The following AASDH variants were observed in gnomAD, a reference collection of about 807,000 sequenced individuals.
AASDH encodes beta-alanine-activating enzyme.
In AASDH, 81 loss-of-function variants were observed where a neutral mutation model predicts 102.3. The ratio of observed to expected loss-of-function variants is 0.79; its 90% CI spans 0.66 to 0.95. The LOEUF is 0.95. Among genes scored for constraint, AASDH ranks in the 40% least tolerant of loss-of-function variants. The probability of loss-of-function intolerance (pLI) is 0.00; values close to 1 mark genes in which losing one functional copy is unlikely to be tolerated. For synonymous variants in AASDH, 398 were observed against 454.0 expected (o/e 0.88, Z 1.57); for missense variants, 1,203 against 1,266.2 (o/e 0.95, Z 0.76).
intron 9 of AASDH, among the ~76,000 whole-genome samples, chr4:56,351,801 C>T (rs188845111): frequency 1.3e-5 from 2 of 151,672 alleles, no homozygotes; most frequent in East Asian, 3.9e-4. Context: ...GTAGTTCTAG[C>T]TACTCGGGAG....
chr4:56,375,228 A>G (rs1003510621), intron 4 of AASDH, among the ~76,000 whole-genome samples: 11 of 152,168 alleles, frequency 7.2e-5, no homozygotes, highest in African/African-American at 2.7e-4. Flanking sequence ...AGCTAAGACT[A>G]CAGACTTGTG....
Position 56,343,564 on chromosome 4 carries a change from G to T in AASDH, c.2773C>A (p.Pro925Thr). ...AATATGTATTATTTTATGCCTACAG[G>T]ATTTACAGCCAGTAAAAGTCCTCCC... ...TLGGLLLAVN[P>T]ATGNVIWKHS... is the part of the protein sequence containing the mutation. The change falls in exon 13 of 15, where the codon CCT becomes ACT. Residue 925 changes from proline to threonine, a missense_variant and splice_region_variant. Transcript: ENST00000205214. 1 of 1,604,522 alleles carries T rather than the reference G, an allele frequency of 6.2e-7. No homozygotes were observed. The highest frequency in any genetic ancestry group is 8.5e-7 in the Non-Finnish European group (1 of 1,175,194).
In AASDH at chr4:56,371,588, A is replaced by G. The variant is rs1433150173; in HGVS notation, c.724T>C (p.Phe242Leu). The change falls in exon 5 of 15, where the codon TTC (phenylalanine) becomes CTC (leucine). Residue 242 changes from phenylalanine (F) to leucine (L), a missense_variant. Coordinates refer to ENST00000205214, the MANE Select transcript of AASDH (RefSeq NM_181806.4). The stretch of plus-strand genomic sequence containing the variant: ...AATATTTCCACAACAGAAGGATCGA[A>G]GGTCAGAGGTGAAGCCAGAAACAAA... ...DVLFLASPLT[F>L]DPSVVEIFLA... is the part of the protein sequence containing the mutation. The G allele has an allele frequency of 1.9e-6, 3 of 1,612,520 alleles. No individual in the cohort carries two copies. The African/African-American group carries it at 4.0e-5, about 22-fold the overall frequency.
rs769983557 is a variant in AASDH at position 56,378,257 on chromosome 4, T to C, written c.559A>G (p.Arg187Gly). 36 of 1,614,144 alleles carry C rather than the reference T, an allele frequency of 2.2e-5. 1 individual carries two copies. The highest frequency in any genetic ancestry group is 2.3e-5 in the Non-Finnish European group (27 of 1,180,050). ...EEKAEEHMDL[R>G]LKHCLAYVLH... ...ACATAGGCTAAGCAATGCTTTAGCC[T>C]CAGATCCATGTGTTCTTCTGCTTTT... is the stretch of plus-strand genomic sequence containing the variant. The change falls in exon 4 of 15, where the codon AGG becomes GGG. Residue 187 changes from arginine to glycine, a missense_variant. By Grantham distance (125) the Arg-to-Gly change is moderately radical. Transcript: ENST00000205214.
intron 5 of AASDH, among the ~76,000 whole-genome samples, chr4:56,359,792 C>T (rs1421084392): frequency 6.7e-6 from 1 of 150,324 alleles, no homozygotes; most frequent in African/African-American, 2.5e-5. Context: ...CTCCTGACCT[C>T]ATGATCCACC....
intron 4 of AASDH, among the ~76,000 whole-genome samples, chr4:56,377,290 C>T (rs1752473043): frequency 6.6e-6 from 1 of 152,140 alleles, no homozygotes; most frequent in Non-Finnish European, 1.5e-5. Flanking sequence ...TCACTTCTTC[C>T]TCTCTTTCTT....
At chr4:56,364,421 T>C (rs1750727055) in intron 5 of AASDH, among the ~76,000 whole-genome samples, 1 of 152,006 alleles carries the variant, frequency 6.6e-6, no homozygotes, top group Admixed American at 6.6e-5. Context: ...AATTGTCAGA[T>C]TCACCGAAGT....
intron 1 of AASDH, 27 bp downstream of exon 1, chr4:56,387,335 C>T (rs552459581): frequency 1.3e-5 from 2 of 152,456 alleles, no homozygotes; most frequent in African/African-American, 4.8e-5. Flanking sequence ...AGACCCCCGC[C>T]GGACACCGCG....
intron 9 of AASDH, among the ~76,000 whole-genome samples, chr4:56,352,927 G>A (rs1749167015): frequency 6.6e-6 from 1 of 151,984 alleles, no homozygotes; most frequent in African/African-American, 2.4e-5. Context: ...TCTATATATT[G>A]GTTCTGTTTC....
At chr4:56,367,206 T>G (rs936026889) in intron 5 of AASDH, among the ~76,000 whole-genome samples, 5 of 151,742 alleles carry the variant, frequency 3.3e-5, no homozygotes, top group Admixed American at 6.6e-5. Flanking sequence ...CACTGCTCAA[T>G]GAAATAAAAG....
rs770408434 is a variant in AASDH at position 56,338,428 on chromosome 4, C to T, written c.3271G>A (p.Asp1091Asn). 8.7e-6 allele frequency: 14 copies of T among 1,613,466 alleles called. No individual in the cohort carries two copies. The South Asian group carries it at 1.5e-4, about 18-fold the overall frequency. ...TATTTTTGATTGCCACCCAATAAATCCAGACAATAAACATAATTATCTCTA... is the reference window on the plus strand; with the variant it reads ...TATTTTTGATTGCCACCCAATAAATTCAGACAATAAACATAATTATCTCTA... ...GCRDNYVYCL[D>N]LLGGNQK Residue 1091 changes from aspartate (D) to asparagine (N), a missense_variant, in exon 15 of 15, where the codon GAT (aspartate) becomes AAT (asparagine). Asp to Asn is a conservative substitution (Grantham distance 23). Coordinates refer to ENST00000205214, the MANE Select transcript of AASDH (RefSeq NM_181806.4).
chr4:56,353,564 A>G lies in AASDH; in HGVS notation c.1416T>C (p.Cys472=), dbSNP rs759647255. Residue 472 remains cysteine (C), a synonymous_variant, in exon 9 of 15, where the codon TGT becomes TGC. Coordinates refer to ENST00000205214, the MANE Select transcript of AASDH (RefSeq NM_181806.4). Reference sequence around the variant, plus strand: ...TTTCCTGATTATACCATGTAACTGCACAAGACTCCACTTGCTGAAGCTCTT... The same window carrying G: ...TTTCCTGATTATACCATGTAACTGCGCAAGACTCCACTTGCTGAAGCTCTT... The part of the protein sequence containing the change: ...VAEELQQVES[C]AVTWYNQEKL... 1.4e-5 allele frequency: 22 copies of G among 1,612,596 alleles called. No individual in the cohort carries two copies. The East Asian group carries it at 3.6e-4, about 26-fold the overall frequency.
intron 1 of AASDH, 96 bp from the exon 2 acceptor site, chr4:56,384,437 T>A (rs1753318749): frequency 1.6e-6 from 1 of 610,842 alleles, no homozygotes; most frequent in Non-Finnish European, 2.9e-6. Context: ...CTCACAAAAA[T>A]AATTATATCA....
intron 4 of AASDH, among the ~76,000 whole-genome samples, chr4:56,376,079 A>G (rs1002066196): frequency 1.7e-4 from 24 of 139,186 alleles, no homozygotes; most frequent in Non-Finnish European, 3.3e-4. Context: ...GCTGGAATGC[A>G]GTGGTGCAAT....
intron 3 of AASDH, chr4:56,381,649 T>TCTCACACACATACACACACACACACA (rs3223650): frequency 2.1e-5 from 3 of 142,304 alleles, no homozygotes; most frequent in African/African-American, 8.0e-5. Context: ...TTGACACTTC[T>TCTCACACACATACACACACACACACA]CACACACACA....
rs183256874 is a variant in AASDH, at chr4:56,371,559, A to G, written c.753T>C (p.Leu251=). The change falls in exon 5 of 15, where the codon CTT becomes CTC. Residue 251 remains leucine (L), a synonymous_variant. Coordinates refer to ENST00000205214, the MANE Select transcript of AASDH (RefSeq NM_181806.4). ...TFDPSVVEIF[L]ALSSGASLLI... ...GCAGAGAGGCACCACTTGATAGAGC[A>G]AGAAATATTTCCACAACAGAAGGAT... The G allele has an allele frequency of 1.2e-6, 2 of 1,613,584 alleles. No homozygotes were observed. Among genetic ancestry groups the G allele is most frequent in the East Asian group, 4.5e-5 (2 of 44,854 alleles).
At chr4:56,355,593 G>GT (rs149149581) in intron 5 of AASDH, among the ~76,000 whole-genome samples, 170 bp from the exon 6 acceptor site, 3,443 of 91,810 alleles carry the variant, frequency 0.038, 84 homozygotes, top group East Asian at 0.17. Flanking sequence ...TTATCTTCTT[G>GT]TTTTTTTTTT....
In AASDH at chr4:56,338,351, A is replaced by T; in HGVS notation, c.*51T>A. The T allele has an allele frequency of 1.3e-6, 2 of 1,562,984 alleles. No individual in the cohort carries two copies. Among genetic ancestry groups the T allele is most frequent in the Non-Finnish European group, 1.7e-6 (2 of 1,151,114 alleles). On this transcript the variant is annotated 3_prime_UTR_variant, in exon 15 of 15. Coordinates refer to ENST00000205214, the MANE Select transcript of AASDH (RefSeq NM_181806.4). ...TAAGTCCACATGATGTATAATGGTAAAATATTTTCAAATATCTCACATTTG... is the reference window on the plus strand; with the variant it reads ...TAAGTCCACATGATGTATAATGGTATAATATTTTCAAATATCTCACATTTG...
At chr4:56,351,096 C>T (rs535532513) in intron 10 of AASDH, among the ~76,000 whole-genome samples, 110 of 152,302 alleles carry the variant, frequency 7.2e-4, no homozygotes, top group African/African-American at 2.6e-3. Context: ...CAGGCTTTGT[C>T]TACTTGTGCC....
Sources: gnomAD v4.1 joint callset for allele counts (sites outside exome capture counted in the v4.1 genomes callset) on GRCh38, gnomAD v4.1.1 for gene constraint, MANE v1.5 for transcripts, NCBI Gene and HGNC (gene_info 2026-07-23, HGNC 2026-07-21) for gene names.